ERBB4: variants seen among roughly 807,000 people sequenced by gnomAD.
The protein encoded by ERBB4 is erb-b2 receptor tyrosine kinase 4, also known as receptor tyrosine-protein kinase erbB-4.
ERBB4 carries 42 observed loss-of-function variants against 158.0 expected under a neutral mutation model. That is an observed-to-expected ratio of 0.27 (90% CI 0.21 to 0.34). The LOEUF is 0.34. Ranked by LOEUF, ERBB4 falls within the 10% of genes least tolerant of loss-of-function variation. ERBB4 has a pLI of 1.00. For synonymous variants in ERBB4, 583 were observed against 558.7 expected, an observed-to-expected ratio of 1.04 and a Z score of -0.61; for missense variants, 1,333 against 1,624.1, an observed-to-expected ratio of 0.82 and a Z score of 3.08.
chr2:211,956,457 G>A (rs940031350), intron 2 of ERBB4, among the ~76,000 whole-genome samples: 2 of 151,962 alleles, frequency 1.3e-5, no homozygotes, highest in Non-Finnish European at 2.9e-5. Flanking sequence ...TTAGGACGAT[G>A]CAGCCTAGTG....
intron 25 of ERBB4, among the ~76,000 whole-genome samples, chr2:211,404,192 G>C (rs2063102111): frequency 6.6e-6 from 1 of 151,930 alleles, no homozygotes; most frequent in South Asian, 2.1e-4. Flanking sequence ...CTCAACTCTT[G>C]ATTTATCTCT....
chr2:212,294,501 T>C (rs1179376535), intron 1 of ERBB4, among the ~76,000 whole-genome samples: 1 of 151,998 alleles, frequency 6.6e-6, no homozygotes, highest in Non-Finnish European at 1.5e-5. Flanking sequence ...TGAAATTATA[T>C]ATACAAAACT....
intron 1 of ERBB4, among the ~76,000 whole-genome samples, chr2:212,453,808 C>T (rs115734869): frequency 0.017 from 2,565 of 152,208 alleles, 38 homozygotes; most frequent in Non-Finnish European, 0.027. Flanking sequence ...CATATTTAAA[C>T]GTAGTTTTAT....
At chr2:211,573,965 T>C (rs1210855577) in intron 19 of ERBB4, among the ~76,000 whole-genome samples, 1 of 152,240 alleles carries the variant, frequency 6.6e-6, no homozygotes, top group Non-Finnish European at 1.5e-5. Context: ...GCAGATACTT[T>C]TAATTCATTT....
rs10221615 is a variant in ERBB4 at position 211,705,199 on chromosome 2, G to A, written c.1198+119C>T. On this transcript the variant is annotated intron_variant, in intron 10 of 27. Transcript: ENST00000342788. The stretch of plus-strand genomic sequence containing the variant: ...CATCTCCTGACCTCATGATCCACCC[G>A]CCTCAACCTCCCTAAGTGCTGGGAT... 0.28 allele frequency: 209,094 copies of A among 747,428 alleles called. 33,628 individuals are homozygous for A. The highest frequency in any genetic ancestry group is 0.35 in the Non-Finnish European group (143,105 of 410,664). 46.3% of individuals were successfully genotyped at this position (747,428 alleles called of 1,614,324 possible). A position where few individuals can be genotyped will look rare whatever the true frequency, so the allele number is the denominator to read the frequency against.
intron 2 of ERBB4, among the ~76,000 whole-genome samples, chr2:212,106,536 G>T (rs1013645337): frequency 4.6e-5 from 7 of 152,300 alleles, no homozygotes; most frequent in African/African-American, 7.2e-5. Flanking sequence ...TTGCAGCCTG[G>T]CAATGTGATA....
intron 20 of ERBB4, among the ~76,000 whole-genome samples, chr2:211,559,200 T>C (rs967613679): frequency 3.9e-5 from 6 of 152,110 alleles, no homozygotes; most frequent in Non-Finnish European, 7.4e-5. Context: ...CCCAAATATA[T>C]CTTAATTCCA....
intron 19 of ERBB4, among the ~76,000 whole-genome samples, chr2:211,569,261 TTC>T (rs1284619722): frequency 2.6e-5 from 4 of 152,244 alleles, no homozygotes; most frequent in African/African-American, 7.2e-5. Context: ...GAATTCTACT[TTC>T]TGTTTTCCCT....
intron 20 of ERBB4, among the ~76,000 whole-genome samples, chr2:211,495,955 A>G (rs2065458330): frequency 6.6e-6 from 1 of 152,034 alleles, no homozygotes; most frequent in Admixed American, 6.5e-5. Flanking sequence ...CTATGATCAA[A>G]AATAATCTCC....
intron 1 of ERBB4, among the ~76,000 whole-genome samples, chr2:212,246,785 C>A (rs1237701900): frequency 6.6e-6 from 1 of 152,158 alleles, no homozygotes; most frequent in Non-Finnish European, 1.5e-5. Context: ...GGAAGGAAAT[C>A]TTTAGTGTAA....
chr2:211,989,702 G>A (rs1049824685), intron 2 of ERBB4, among the ~76,000 whole-genome samples: 5 of 151,850 alleles, frequency 3.3e-5, no homozygotes, highest in African/African-American at 1.2e-4. Flanking sequence ...GATGATCCTG[G>A]AAGGGATGCA....
intron 2 of ERBB4, among the ~76,000 whole-genome samples, chr2:212,046,586 A>G (rs2077266964): frequency 6.6e-6 from 1 of 152,234 alleles, no homozygotes; most frequent in African/African-American, 2.4e-5. Flanking sequence ...GTATTCATCA[A>G]TTAATAGGAC....
chr2:211,554,323 G>A (rs2067180940), intron 20 of ERBB4, among the ~76,000 whole-genome samples: 1 of 152,208 alleles, frequency 6.6e-6, no homozygotes, highest in East Asian at 1.9e-4. Flanking sequence ...ATATCTGCTA[G>A]AGTTTCAGTA....
At chr2:212,331,044 C>G (rs2088116293) in intron 1 of ERBB4, among the ~76,000 whole-genome samples, 1 of 42,576 alleles carries the variant, frequency 2.3e-5, no homozygotes, top group South Asian at 9.9e-4. Context: ...GTAAGTTTCC[C>G]ATATTTGTAA....
At chr2:211,536,279 T>C (rs1365327804) in intron 20 of ERBB4, among the ~76,000 whole-genome samples, 1 of 152,114 alleles carries the variant, frequency 6.6e-6, no homozygotes, top group Non-Finnish European at 1.5e-5. Context: ...ACCTCATTTG[T>C]TTACCATGTC....
At chr2:211,869,629 GA>G (rs1454080827) in intron 3 of ERBB4, among the ~76,000 whole-genome samples, 1 of 151,912 alleles carries the variant, frequency 6.6e-6, no homozygotes, top group Non-Finnish European at 1.5e-5. Context: ...AATGTTTATT[GA>G]ACTAAGTTAG....
intron 5 of ERBB4, among the ~76,000 whole-genome samples, chr2:211,747,634 A>C (rs1452079627): frequency 1.3e-5 from 2 of 152,196 alleles, no homozygotes; most frequent in African/African-American, 4.8e-5. Flanking sequence ...AAAATAAATT[A>C]AAAGGTTCAG....
chr2:211,873,991 G>T (rs2078427768), intron 3 of ERBB4, among the ~76,000 whole-genome samples: 1 of 152,020 alleles, frequency 6.6e-6, no homozygotes, highest in Non-Finnish European at 1.5e-5. Context: ...TATATCAAGT[G>T]AATGTGTTAA....
chr2:211,637,582 C>T (rs1386761560), intron 16 of ERBB4, among the ~76,000 whole-genome samples: 2 of 151,788 alleles, frequency 1.3e-5, no homozygotes, highest in African/African-American at 2.4e-5. Flanking sequence ...TTTTTTGATC[C>T]TATATACTAC....
Sources: allele counts gnomAD v4.1 joint callset (sites outside exome capture counted in the v4.1 genomes callset), GRCh38; gene constraint gnomAD v4.1.1; transcripts MANE v1.5; gene names NCBI Gene and HGNC (gene_info 2026-07-23, HGNC 2026-07-21).